Variants in FMNL2 observed in about 807,000 individuals in gnomAD.
FMNL2 encodes formin like 2.
FMNL2 carries 51 observed loss-of-function variants against 130.2 expected under a neutral mutation model. The ratio of observed to expected loss-of-function variants is 0.39; its 90% CI spans 0.31 to 0.49. The LOEUF is 0.49. Among genes scored for constraint, FMNL2 ranks in the 20% least tolerant of loss-of-function variants. The probability of loss-of-function intolerance (pLI) is 0.85; values close to 1 mark genes in which losing one functional copy is unlikely to be tolerated. For missense variants in FMNL2, 977 were observed against 1,316.2 expected, an observed-to-expected ratio of 0.74 and a Z score of 3.99; for synonymous variants, 465 against 467.1, an observed-to-expected ratio of 1.00 and a Z score of 0.06.
chr2:152,569,345 G>A (rs1006253394), intron 6 of FMNL2, among the ~76,000 whole-genome samples: 2 of 152,054 alleles, frequency 1.3e-5, no homozygotes, highest in African/African-American at 4.8e-5. Context: ...TCGCTTGCTG[G>A]TTGGAGCTCA....
intron 2 of FMNL2, among the ~76,000 whole-genome samples, chr2:152,534,343 A>G (rs1382775252): frequency 6.6e-5 from 10 of 152,180 alleles, no homozygotes; most frequent in Non-Finnish European, 1.5e-5. Context: ...AGTTTGATTC[A>G]GCTAGCACCT....
chr2:152,572,014 A>C (rs1696196610), intron 6 of FMNL2, among the ~76,000 whole-genome samples: 1 of 151,952 alleles, frequency 6.6e-6, no homozygotes, highest in African/African-American at 2.4e-5. Context: ...ATTCAGCCTT[A>C]TTGTTATCTA....
intron 16 of FMNL2, 133 bp from the exon 17 acceptor site, chr2:152,626,392 T>C: frequency 5.6e-6 from 4 of 709,284 alleles, no homozygotes; most frequent in Non-Finnish European, 9.4e-6. Flanking sequence ...ACAAGAAAAA[T>C]AGAGGAAGCC....
chr2:152,418,342 T>A (rs1024008119), intron 1 of FMNL2, among the ~76,000 whole-genome samples: 37 of 152,174 alleles, frequency 2.4e-4, no homozygotes, highest in Admixed American at 7.9e-4. Flanking sequence ...AAGCATACGG[T>A]TCAGTGGCAT....
chr2:152,563,152 T>C (rs1283269515), intron 6 of FMNL2, among the ~76,000 whole-genome samples: 2 of 152,190 alleles, frequency 1.3e-5, no homozygotes, highest in Non-Finnish European at 2.9e-5. Flanking sequence ...CTTGCTAGAA[T>C]TAATTTCAAA....
In FMNL2 at chr2:152,561,031, C is replaced by T. The variant is rs1487126133; in HGVS notation, c.592C>T (p.Leu198=). The T allele has an allele frequency of 2.5e-6, 4 of 1,593,746 alleles. No homozygotes were observed. The highest frequency in any genetic ancestry group is 3.4e-6 in the Non-Finnish European group (4 of 1,169,478). The change falls in exon 6 of 26, where the codon CTG becomes TTG. Residue 198 remains leucine (L), a synonymous_variant. Transcript: ENST00000288670. ...SVSRSGRHSA[L]RYNTLPSRRT... ...CTCCCGCTCTGGAAGACATTCTGCA[C>T]TGCGGTGAGTTCGTTTAATCAGGAG...
chr2:152,578,367 T>G (rs541400224), intron 7 of FMNL2, among the ~76,000 whole-genome samples: 1 of 152,180 alleles, frequency 6.6e-6, no homozygotes, highest in Non-Finnish European at 1.5e-5. Flanking sequence ...ATATCTATTG[T>G]ATACTGTGGA....
chr2:152,600,488 G>A (rs1240877521), intron 9 of FMNL2, among the ~76,000 whole-genome samples: 1 of 152,184 alleles, frequency 6.6e-6, no homozygotes, highest in Non-Finnish European at 1.5e-5. Context: ...GGGACAGAGA[G>A]GTGGCTGAAG....
In FMNL2 at chr2:152,528,286, C is replaced by T. The variant is rs1002797832; in HGVS notation, c.201+6260C>T. The stretch of plus-strand genomic sequence containing the variant: ...GGGTAACGAATAGATGCTATCTTAG[C>T]GTCCTACGGCTGCCATAACAAATTA... On this transcript the variant is annotated intron_variant, in intron 2 of 25. Coordinates refer to ENST00000288670, the MANE Select transcript of FMNL2 (RefSeq NM_052905.4). Among the ~76,000 whole-genome samples, 4 of 152,148 alleles carry T rather than the reference C, an allele frequency of 2.6e-5. No individual in the cohort carries two copies. In the East Asian group the frequency reaches 7.7e-4, roughly 29 times the overall value.
intron 1 of FMNL2, among the ~76,000 whole-genome samples, chr2:152,432,205 G>C (rs1687531153): frequency 6.6e-6 from 1 of 151,424 alleles, no homozygotes; most frequent in African/African-American, 2.4e-5. Flanking sequence ...CTGGTGGTTG[G>C]TTGCATTTCT....
chr2:152,540,343 G>A (rs965892921), intron 2 of FMNL2, among the ~76,000 whole-genome samples: 1 of 152,000 alleles, frequency 6.6e-6, no homozygotes, highest in Non-Finnish European at 1.5e-5. Flanking sequence ...AAAAAAAGTA[G>A]TTTATACACA....
rs200149300 is a variant in FMNL2 at position 152,356,312 on chromosome 2, CA to C, written c.117+20593del. ...TAATGTTTTTGTATTTTTGTGTAGA[CA>C]GGGTTTCACCATGTTGGTGAGGCTG... On this transcript the variant is annotated intron_variant, in intron 1 of 25. Transcript: ENST00000288670. Among the ~76,000 whole-genome samples the C allele has an allele frequency of 3.9e-3, 587 of 152,114 alleles. 2 individuals are homozygous for C. Among genetic ancestry groups the C allele is most frequent in the African/African-American group, 0.013 (537 of 41,488 alleles).
chr2:152,468,084 G>A (rs1689651421), intron 1 of FMNL2, among the ~76,000 whole-genome samples: 1 of 152,226 alleles, frequency 6.6e-6, no homozygotes. Context: ...ACCAGGAATT[G>A]GTTTAGCCCC....
intron 25 of FMNL2, chr2:152,645,418 G>T (rs1296114576): frequency 1.6e-6 from 2 of 1,268,726 alleles, no homozygotes; most frequent in Non-Finnish European, 2.1e-6. Context: ...TTGTGTTTTT[G>T]TTTTTTTCTG....
chr2:152,479,729 T>G (rs1160681139), intron 1 of FMNL2, among the ~76,000 whole-genome samples: 2 of 149,224 alleles, frequency 1.3e-5, no homozygotes, highest in Non-Finnish European at 3.0e-5. Context: ...TTTTTTTTTT[T>G]TTTTTTTTTT....
At chr2:152,377,501 C>T (rs1020630421) in intron 1 of FMNL2, among the ~76,000 whole-genome samples, 12 of 152,136 alleles carry the variant, frequency 7.9e-5, no homozygotes, top group African/African-American at 2.2e-4. Flanking sequence ...GCTATTGAAA[C>T]GTAAATTAAA....
intron 9 of FMNL2, among the ~76,000 whole-genome samples, chr2:152,596,868 G>A (rs1190470801): frequency 6.6e-6 from 1 of 152,224 alleles, no homozygotes; most frequent in Non-Finnish European, 1.5e-5. Context: ...ACAAACACTA[G>A]ACAAGTAGTA....
rs749879179 is a variant in FMNL2, at chr2:152,647,959, T to C, written c.*54T>C. ...GTGTGCGTGAATGAAACTGCCCACA[T>C]GAACTTTATGTGCTACGATTTAACT... On this transcript the variant is annotated 3_prime_UTR_variant, in exon 26 of 26. Transcript: ENST00000288670. The C allele has an allele frequency of 2.9e-6, 4 of 1,387,290 alleles. No homozygotes were observed. In the East Asian group the frequency reaches 7.0e-5, roughly 24 times the overall value. 85.9% of individuals were successfully genotyped at this position (1,387,290 alleles called of 1,614,324 possible). A position where few individuals can be genotyped will look rare whatever the true frequency, so the allele number is the denominator to read the frequency against.
chr2:152,387,904 T>A (rs1684875015), intron 1 of FMNL2, among the ~76,000 whole-genome samples: 1 of 151,874 alleles, frequency 6.6e-6, no homozygotes, highest in African/African-American at 2.4e-5. Context: ...TCCTCTTGAC[T>A]CAACCTACCG....
Sources: allele counts gnomAD v4.1 joint callset (sites outside exome capture counted in the v4.1 genomes callset), GRCh38; gene constraint gnomAD v4.1.1; transcripts MANE v1.5; gene names NCBI Gene and HGNC (gene_info 2026-07-23, HGNC 2026-07-21).